The following USP25 variants were observed in gnomAD, a reference collection of about 807,000 sequenced individuals.
USP25 encodes ubiquitin specific peptidase 25.
USP25 carries 85 observed loss-of-function variants against 158.5 expected under a neutral mutation model. That is an observed-to-expected ratio of 0.54 (90% CI 0.45 to 0.64). The LOEUF is 0.64. Among genes scored for constraint, USP25 ranks in the 30% least tolerant of loss-of-function variants. USP25 has a pLI of 0.00. For synonymous variants in USP25, 464 were observed against 460.4 expected (o/e 1.01, Z -0.10); for missense variants, 1,242 against 1,327.3 (o/e 0.94, Z 1.00).
intron 6 of USP25, among the ~76,000 whole-genome samples, chr21:15,803,328 C>T (rs748675208): frequency 2.0e-5 from 3 of 151,692 alleles, no homozygotes; most frequent in Non-Finnish European, 4.4e-5. Context: ...CAATATTTCT[C>T]ATGAATTTGG....
At chr21:15,771,682 C>CT (rs111601396) in intron 3 of USP25, among the ~76,000 whole-genome samples, 30 of 148,776 alleles carry the variant, frequency 2.0e-4, no homozygotes, top group East Asian at 9.9e-4. Context: ...TTTTTTTTTT[C>CT]TTTTTTTTTC....
chr21:15,878,506 A>G lies in USP25; in HGVS notation c.*31A>G, dbSNP rs777293599. 1.1e-5 allele frequency: 17 copies of G among 1,595,112 alleles called. No individual in the cohort carries two copies. Among genetic ancestry groups the G allele is most frequent in the Non-Finnish European group, 1.4e-5 (16 of 1,169,160 alleles). On this transcript the variant is annotated 3_prime_UTR_variant, in exon 26 of 26. Transcript: ENST00000400183. ...ACACTTTCCCTGAACACACTGTATA[A>G]ACTCTTTTTAGTTCTTAACCCTTGC... is the stretch of plus-strand genomic sequence containing the variant.
At chr21:15,812,140 A>G (rs1244871749) in intron 9 of USP25, among the ~76,000 whole-genome samples, 2 of 150,598 alleles carry the variant, frequency 1.3e-5, no homozygotes, top group Non-Finnish European at 3.0e-5. Flanking sequence ...TATATGAGTT[A>G]ATATATATAA....
intron 11 of USP25, 117 bp downstream of exon 11, chr21:15,824,283 T>C: frequency 8.8e-7 from 1 of 1,140,168 alleles, no homozygotes; most frequent in African/African-American, 1.6e-5. Context: ...TTGCATAATA[T>C]ACCTAATACC....
intron 5 of USP25, among the ~76,000 whole-genome samples, chr21:15,792,252 G>T (rs2035628718): frequency 6.6e-6 from 1 of 151,494 alleles, no homozygotes; most frequent in African/African-American, 2.4e-5. Context: ...TAAAATAAGA[G>T]ACATATGTAT....
chr21:15,860,385 C>G (rs11909513), intron 20 of USP25, among the ~76,000 whole-genome samples: 1 of 152,088 alleles, frequency 6.6e-6, no homozygotes, highest in African/African-American at 2.4e-5. Context: ...GAACTCCTGA[C>G]TTCAGGTGAT....
Position 15,862,810 on chromosome 21 carries a change from CTATTTA to C in USP25, c.2548-1455_2548-1450del, listed in dbSNP as rs1289819245. ...TTTTAAAATAATTTGTTCTCTTATT[CTATTTA>C]TAATCTTATGCTGCATAGAAAGAAC... On this transcript the variant is annotated intron_variant, in intron 20 of 25. Transcript: ENST00000400183. 2.0e-5 allele frequency among the ~76,000 whole-genome samples: 3 copies of C among 148,612 alleles called. No individual in the cohort carries two copies. In the East Asian group the frequency reaches 5.9e-4, roughly 29 times the overall value.
At chr21:15,854,109 A>T (rs931059621) in intron 20 of USP25, among the ~76,000 whole-genome samples, 13 of 151,852 alleles carry the variant, frequency 8.6e-5, no homozygotes, top group Non-Finnish European at 1.3e-4. Flanking sequence ...TTTTGTGCTT[A>T]GTGTATTATA....
intron 17 of USP25, among the ~76,000 whole-genome samples, chr21:15,839,483 T>G (rs576791642): frequency 6.6e-6 from 1 of 152,180 alleles, no homozygotes; most frequent in Admixed American, 6.5e-5. Context: ...ATATAACCAG[T>G]ACATGTTACA....
At chr21:15,781,945 C>G (rs1275004813) in intron 4 of USP25, among the ~76,000 whole-genome samples, 3 of 152,208 alleles carry the variant, frequency 2.0e-5, no homozygotes, top group Non-Finnish European at 4.4e-5. Flanking sequence ...GAAACCAAGC[C>G]CACATCTGGA....
chr21:15,876,142 G>A (rs1174462352), intron 24 of USP25: 1 of 152,142 alleles, frequency 6.6e-6, no homozygotes, highest in African/African-American at 2.4e-5. Context: ...AACAAGGTTG[G>A]CTTTGAACAT....
At position 15,766,208 on chromosome 21, in the gene USP25, T is replaced by C; in HGVS notation, c.268+67T>C. ...CTGAAAAACTTTTCTTGGTGTAATATATTAATGTTGCTTAAGGAGAGGTAA... is the reference window on the plus strand; with the variant it reads ...CTGAAAAACTTTTCTTGGTGTAATACATTAATGTTGCTTAAGGAGAGGTAA... On this transcript the variant is annotated intron_variant, in intron 3 of 25. Coordinates refer to ENST00000400183, the MANE Select transcript of USP25 (RefSeq NM_001283041.3). The surrounding 1 kb of genome is among the most constrained non-coding windows in gnomAD (Gnocchi z 4.0). 1 of 1,458,366 alleles carries C rather than the reference T, an allele frequency of 6.9e-7. No individual in the cohort carries two copies. Among genetic ancestry groups the C allele is most frequent in the South Asian group, 1.4e-5 (1 of 70,254 alleles). 90.3% of individuals were successfully genotyped at this position (1,458,366 alleles called of 1,614,324 possible). A position where few individuals can be genotyped will look rare whatever the true frequency, so the allele number is the denominator to read the frequency against.
intron 24 of USP25, chr21:15,876,140 T>G (rs2040088861): frequency 6.6e-6 from 1 of 152,198 alleles, no homozygotes; most frequent in Non-Finnish European, 1.5e-5. Context: ...GGAACAAGGT[T>G]GGCTTTGAAC....
chr21:15,772,631 G>C (rs901154751), intron 3 of USP25, among the ~76,000 whole-genome samples: 1 of 152,084 alleles, frequency 6.6e-6, no homozygotes, highest in Non-Finnish European at 1.5e-5. Context: ...AAGTTATTCT[G>C]TTTCTTTTGT....
rs1555839985 is a variant in USP25, at chr21:15,805,103, G to T, written c.643-18G>T. ...CTTCAGTTAAGGTGTTTTTGTTTTT[G>T]TTTTTTTCCTTCAATAGGAACATCG... On this transcript the variant is annotated intron_variant, in intron 6 of 25. Coordinates refer to ENST00000400183, the MANE Select transcript of USP25 (RefSeq NM_001283041.3). The T allele has an allele frequency of 2.6e-6, 4 of 1,556,836 alleles. No individual in the cohort carries two copies. Among genetic ancestry groups the T allele is most frequent in the Non-Finnish European group, 3.4e-6 (4 of 1,160,070 alleles).
intron 1 of USP25, among the ~76,000 whole-genome samples, chr21:15,756,473 T>C (rs2033385189): frequency 6.6e-6 from 1 of 152,192 alleles, no homozygotes; most frequent in South Asian, 2.1e-4. Context: ...TGCCTTGTCT[T>C]GGGCCAGTGA....
intron 17 of USP25, among the ~76,000 whole-genome samples, chr21:15,838,707 A>G (rs1475800645): frequency 1.3e-5 from 2 of 152,190 alleles, no homozygotes; most frequent in Non-Finnish European, 2.9e-5. Flanking sequence ...TGTGAACGTA[A>G]TAAGTATTGA....
At chr21:15,860,973 T>G (rs34733605) in intron 20 of USP25, among the ~76,000 whole-genome samples, 75,941 of 141,872 alleles carry the variant, frequency 0.54, 20,875 homozygotes, top group African/African-American at 0.69. Context: ...TATATATATA[T>G]ATAGAGAGAG....
intron 5 of USP25, among the ~76,000 whole-genome samples, chr21:15,796,302 T>C (rs1167512913): frequency 1.3e-5 from 2 of 151,512 alleles, no homozygotes; most frequent in African/African-American, 2.4e-5. Flanking sequence ...CACTGAGTAA[T>C]GGTAGATGAG....
Sources: allele counts gnomAD v4.1 joint callset (sites outside exome capture counted in the v4.1 genomes callset), GRCh38; gene constraint gnomAD v4.1.1; non-coding constraint Gnocchi (gnomAD v3.1); transcripts MANE v1.5; gene names NCBI Gene and HGNC (gene_info 2026-07-23, HGNC 2026-07-21).